SLC15A1: variants seen among roughly 807,000 people sequenced by gnomAD.
The protein encoded by SLC15A1 is Caco-2 oligopeptide transporter.
A neutral mutation model predicts 92.9 loss-of-function variants in SLC15A1; 83 were observed. The observed-to-expected ratio is 0.89, with a 90% CI of 0.75 to 1.07. The LOEUF is 1.07. Among genes scored for constraint, SLC15A1 ranks in the 50% least tolerant of loss-of-function variants. SLC15A1 has a pLI of 0.00. For missense variants in SLC15A1, 857 were observed against 880.1 expected, an observed-to-expected ratio of 0.97 and a Z score of 0.33; for synonymous variants, 322 against 318.2, an observed-to-expected ratio of 1.01 and a Z score of -0.13.
At chr13:98,751,342 A>T (rs2088544972) in intron 1 of SLC15A1, among the ~76,000 whole-genome samples, 2 of 152,202 alleles carry the variant, frequency 1.3e-5, no homozygotes, top group African/African-American at 4.8e-5. Flanking sequence ...GCTGCCTCTA[A>T]CAGCTCTCGG....
At chr13:98,712,937 C>G (rs913014109) in intron 9 of SLC15A1, among the ~76,000 whole-genome samples, 1 of 152,100 alleles carries the variant, frequency 6.6e-6, no homozygotes, top group Non-Finnish European at 1.5e-5. Context: ...ACATGATAAA[C>G]CCCACTATGA....
intron 1 of SLC15A1, among the ~76,000 whole-genome samples, chr13:98,740,753 TG>T (rs1204021702): frequency 3.3e-5 from 5 of 152,172 alleles, no homozygotes; most frequent in Non-Finnish European, 4.4e-5. Context: ...CAGGCTTCAC[TG>T]TCACTGCCCT....
At chr13:98,742,502 C>T (rs1350707171) in intron 1 of SLC15A1, among the ~76,000 whole-genome samples, 1 of 152,170 alleles carries the variant, frequency 6.6e-6, no homozygotes, top group East Asian at 1.9e-4. Context: ...CCAGGGCTGT[C>T]TTACAGAGTG....
chr13:98,730,050 C>T (rs2088334761), intron 1 of SLC15A1, among the ~76,000 whole-genome samples: 1 of 151,846 alleles, frequency 6.6e-6, no homozygotes, highest in Non-Finnish European at 1.5e-5. Context: ...ACTAAAAATA[C>T]AAAAATTAGC....
intron 15 of SLC15A1, 46 bp from the exon 16 acceptor site, chr13:98,706,299 A>ATGGAAAGTCATCT (rs779871861): frequency 1.3e-6 from 2 of 1,597,540 alleles, no homozygotes; most frequent in Non-Finnish European, 1.7e-6. Flanking sequence ...TCAATACAAC[A>ATGGAAAGTCATCT]TGGAAAGTCA....
intron 9 of SLC15A1, 61 bp downstream of exon 9, chr13:98,715,817 A>C (rs1373352613): frequency 2.2e-6 from 3 of 1,333,488 alleles, no homozygotes; most frequent in Non-Finnish European, 3.2e-6. Context: ...TTTAATTTAA[A>C]GAAAGTAGAA....
rs1240117059 is a variant in SLC15A1 at position 98,704,155 on chromosome 13, T to G, written c.1416+134A>C. On this transcript the variant is annotated intron_variant, in intron 17 of 22. Transcript: ENST00000376503. ...TGACAGGTGTTCTTGAAGTCTTGTG[T>G]TCCAGAAGAAGGAAGAAATTGAGGA... The G allele has an allele frequency of 5.1e-6, 4 of 780,384 alleles. No individual in the cohort carries two copies. The East Asian group carries it at 8.5e-5, about 17-fold the overall frequency. 48.3% of individuals were successfully genotyped at this position (780,384 alleles called of 1,614,324 possible). A position where few individuals can be genotyped will look rare whatever the true frequency, so the allele number is the denominator to read the frequency against.
chr13:98,694,609 T>G (rs1463016942), intron 18 of SLC15A1, among the ~76,000 whole-genome samples: 1 of 152,222 alleles, frequency 6.6e-6, no homozygotes, highest in African/African-American at 2.4e-5. Flanking sequence ...CAGGTAAGAA[T>G]GTGAATTTTG....
intron 17 of SLC15A1, 139 bp downstream of exon 17, chr13:98,704,150 T>C (rs2088091893): frequency 1.4e-6 from 1 of 728,374 alleles, no homozygotes; most frequent in East Asian, 2.9e-5. Context: ...TCTTGAAGTC[T>C]TGTGTTCCAG....
intron 20 of SLC15A1, 36 bp downstream of exon 20, chr13:98,688,212 A>G: frequency 7.3e-7 from 1 of 1,364,270 alleles, no homozygotes; most frequent in Non-Finnish European, 1.0e-6. Flanking sequence ...ATCGAGTATG[A>G]GCAGATCTTC....
chr13:98,752,608 TC>T lies in SLC15A1; in HGVS notation c.-11del. On this transcript the variant is annotated 5_prime_UTR_variant, in exon 1 of 23. Coordinates refer to ENST00000376503, the MANE Select transcript of SLC15A1 (RefSeq NM_005073.4). ...CGCCGAGCGTACCCATGGCGGCGGC[TC>T]CCAGGGCTCCTGCGACCTGCCGGCG... The T allele has an allele frequency of 8.0e-7, 1 of 1,254,110 alleles. No individual in the cohort carries two copies. The highest frequency in any genetic ancestry group is 1.0e-6 in the Non-Finnish European group (1 of 999,138). 77.7% of individuals were successfully genotyped at this position (1,254,110 alleles called of 1,614,324 possible).
In SLC15A1 at chr13:98,715,776, A is replaced by AAT. The variant is rs2088207467; in HGVS notation, c.723+100_723+101dup. ...TACTGAAACAGTTAAGAACACTAAA[A>AAT]ATATATTTAAAGGAAAGTCAAAGCT... is the stretch of plus-strand genomic sequence containing the variant. On this transcript the variant is annotated intron_variant, in intron 9 of 22. Transcript: ENST00000376503. 19 of 942,116 alleles carry AAT rather than the reference A, an allele frequency of 2.0e-5. No individual in the cohort carries two copies. In the South Asian group the frequency reaches 2.9e-4, roughly 14 times the overall value. The allele number at this position is 942,116 out of a possible 1,614,324, so 58.4% of individuals were successfully genotyped here. A position where few individuals can be genotyped will look rare whatever the true frequency, so the allele number is the denominator to read the frequency against.
chr13:98,695,295 C>A (rs1318778877), intron 18 of SLC15A1, among the ~76,000 whole-genome samples: 1 of 152,124 alleles, frequency 6.6e-6, no homozygotes, highest in Admixed American at 6.5e-5. Flanking sequence ...CTATTTTGTC[C>A]AGGCTGGCTT....
chr13:98,730,925 G>T (rs930980798), intron 1 of SLC15A1, among the ~76,000 whole-genome samples: 2 of 152,208 alleles, frequency 1.3e-5, no homozygotes, highest in African/African-American at 4.8e-5. Flanking sequence ...GGCCAACAGG[G>T]AGCCCTGGGA....
At chr13:98,693,090 T>G (rs1158793514) in intron 18 of SLC15A1, among the ~76,000 whole-genome samples, 1 of 68,554 alleles carries the variant, frequency 1.5e-5, no homozygotes, top group Non-Finnish European at 4.3e-5. Context: ...TGTCTACGTT[T>G]TTTTTTTTTT....
intron 1 of SLC15A1, among the ~76,000 whole-genome samples, chr13:98,731,665 TC>T (rs2088351922): frequency 6.6e-6 from 1 of 152,204 alleles, no homozygotes; most frequent in Non-Finnish European, 1.5e-5. Context: ...TTTCCTGTGT[TC>T]CCCGGATTTT....
At chr13:98,715,197 C>T (rs1346295936) in intron 9 of SLC15A1, among the ~76,000 whole-genome samples, 7 of 152,090 alleles carry the variant, frequency 4.6e-5, no homozygotes, top group African/African-American at 1.7e-4. Flanking sequence ...TGTTTTGAGA[C>T]AGAGTCTCCC....
intron 5 of SLC15A1, among the ~76,000 whole-genome samples, chr13:98,722,321 A>T (rs2088267376): frequency 6.6e-6 from 1 of 152,246 alleles, no homozygotes. Flanking sequence ...GCAAAGCGGA[A>T]TATCAGGTTA....
Position 98,709,923 on chromosome 13 carries a change from A to G in SLC15A1, c.901-12T>C, listed in dbSNP as rs1418435441. ...GTCCACCTGGAGCCCTTAAAAATGA[A>G]TACATTTGCTGTATTATTTGGGGAT... On this transcript the variant is annotated splice_polypyrimidine_tract_variant and intron_variant, in intron 11 of 22. Coordinates refer to ENST00000376503, the MANE Select transcript of SLC15A1 (RefSeq NM_005073.4). 1 of 1,614,080 alleles carries G rather than the reference A, an allele frequency of 6.2e-7. No individual in the cohort carries two copies. The highest frequency in any genetic ancestry group is 8.5e-7 in the Non-Finnish European group (1 of 1,179,914).
Sources: gnomAD v4.1 joint callset for allele counts (sites outside exome capture counted in the v4.1 genomes callset) on GRCh38, gnomAD v4.1.1 for gene constraint, MANE v1.5 for transcripts, NCBI Gene and HGNC (gene_info 2026-07-23, HGNC 2026-07-21) for gene names.